Variants in TMEM25 observed in about 807,000 individuals in gnomAD.
TMEM25 encodes the protein transmembrane protein 25.
TMEM25 carries 36 observed loss-of-function variants against 37.0 expected under a neutral mutation model. The observed-to-expected ratio is 0.97, with a 90% CI of 0.75 to 1.28. TMEM25 has a LOEUF of 1.28. Among genes scored for constraint, TMEM25 ranks in the 50% most tolerant of loss-of-function variants. The probability of loss-of-function intolerance (pLI) is 0.00; values close to 1 mark genes in which losing one functional copy is unlikely to be tolerated. For synonymous variants in TMEM25, 197 were observed against 203.7 expected, an observed-to-expected ratio of 0.97 and a Z score of 0.28; for missense variants, 444 against 477.9, an observed-to-expected ratio of 0.93 and a Z score of 0.66.
chr11:118,535,891 C>T (rs1008813010), downstream of TMEM25: 15 of 1,031,852 alleles, frequency 1.5e-5, no homozygotes, highest in African/African-American at 1.7e-5. Context: ...TATTTTGTTT[C>T]GTTTGAGATG....
chr11:118,543,015 T>G (rs950164576), intron 8 of TMEM25, among the ~76,000 whole-genome samples: 8 of 151,882 alleles, frequency 5.3e-5, no homozygotes, highest in Non-Finnish European at 4.4e-5. Flanking sequence ...GCTGAGGCAG[T>G]CGGATCATGA....
downstream of TMEM25, among the ~76,000 whole-genome samples, chr11:118,536,343 A>G (rs1363802043): frequency 2.6e-5 from 4 of 150,968 alleles, no homozygotes; most frequent in African/African-American, 4.9e-5. Context: ...ACAGGCATGC[A>G]CCACCATGCC....
rs781829916 is a variant in TMEM25 at position 118,531,779 on chromosome 11, C to T, written c.-23C>T. 127 of 1,547,912 alleles carry T rather than the reference C, an allele frequency of 8.2e-5. 1 individual carries two copies. Among genetic ancestry groups the T allele is most frequent in the Middle Eastern group, 6.7e-4 (4 of 5,988 alleles). ...AGGCCCGCCCCCTTCTCTCAGCAGC[C>T]TAGGGCCTAGGCCCGGGCCACCATG... is the stretch of plus-strand genomic sequence containing the variant. On this transcript the variant is annotated 5_prime_UTR_variant, in exon 2 of 9. Coordinates refer to ENST00000313236, the MANE Select transcript of TMEM25 (RefSeq NM_032780.4).
downstream of TMEM25, among the ~76,000 whole-genome samples, chr11:118,540,496 C>A (rs957171825): frequency 2.6e-5 from 4 of 152,210 alleles, no homozygotes; most frequent in Non-Finnish European, 5.9e-5. Context: ...GGTCCTGGGG[C>A]TCTTCCTTTG....
At chr11:118,531,651 T>C (rs902028562) in intron 1 of TMEM25, 124 bp from the exon 2 acceptor site, 41 of 771,046 alleles carry the variant, frequency 5.3e-5, no homozygotes, top group Non-Finnish European at 7.5e-5. Flanking sequence ...CCTTCGCCAC[T>C]GGGGGCTGGT....
At position 118,535,403 on chromosome 11, in the gene TMEM25, G is replaced by GGTGAGTGA; in HGVS notation, c.*825_*832dup. 7.0e-7 allele frequency: 1 copy of GGTGAGTGA among 1,434,902 alleles called. No individual in the cohort carries two copies. The highest frequency in any genetic ancestry group is 9.1e-7 in the Non-Finnish European group (1 of 1,097,160). 88.9% of individuals were successfully genotyped at this position (1,434,902 alleles called of 1,614,324 possible). On this transcript the variant is annotated 3_prime_UTR_variant, in exon 9 of 9. Transcript: ENST00000313236. ...TTTAAGCACATCCCCTAGGGGAGGG[G>GGTGAGTGA]GTGAGTGAGGGGCCCAGAGCCCTCT...
chr11:118,533,116 G>A lies in TMEM25; in HGVS notation c.582G>A (p.Thr194=), dbSNP rs373582880. 14 of 1,613,164 alleles carry A rather than the reference G, an allele frequency of 8.7e-6. 1 individual carries two copies. Among genetic ancestry groups the A allele is most frequent in the South Asian group, 3.3e-5 (3 of 91,082 alleles). The change falls in exon 4 of 9, where the codon ACG becomes ACA. Residue 194 remains threonine, a synonymous_variant. Coordinates refer to ENST00000313236, the MANE Select transcript of TMEM25 (RefSeq NM_032780.4). ...AQNYPWLTNH[T]VQLQLRSLAH... ...ACTACCCCTGGCTCACCAACCACAC[G>A]GTGCAGCTGCAGCTCCGCAGCCTGG...
At chr11:118,543,932 G>A (rs1341687557) in intron 8 of TMEM25, among the ~76,000 whole-genome samples, 5 of 151,368 alleles carry the variant, frequency 3.3e-5, no homozygotes, top group African/African-American at 1.2e-4. Context: ...TCAGTCTCCT[G>A]ACTAGCTGGG....
At chr11:118,546,164 G>C in exon 9 of TMEM25, 1 of 718,426 alleles carries the variant, frequency 1.4e-6, no homozygotes, top group Non-Finnish European at 2.6e-6. Flanking sequence ...GAAGACCATG[G>C]GAAGACACAG....
In TMEM25 at chr11:118,533,209, T is replaced by G; in HGVS notation, c.673+2T>G. 6.3e-7 allele frequency: 1 copy of G among 1,587,546 alleles called. No homozygotes were observed. The highest frequency in any genetic ancestry group is 8.5e-7 in the Non-Finnish European group (1 of 1,170,752). ...CCAGTGCGTCGCTTCCAGCCCCAGG[T>G]GAGCATGGCCAGCAAGCGGCCCTGC... On this transcript the variant is annotated splice_donor_variant, in intron 4 of 8. Coordinates refer to ENST00000313236, the MANE Select transcript of TMEM25 (RefSeq NM_032780.4). LOFTEE classifies it high-confidence loss of function.
chr11:118,535,744 TGAG>T lies in TMEM25; in HGVS notation c.*1165_*1167del. 1 of 1,365,424 alleles carries T rather than the reference TGAG, an allele frequency of 7.3e-7. No homozygotes were observed. The highest frequency in any genetic ancestry group is 9.4e-7 in the Non-Finnish European group (1 of 1,061,756). 84.6% of individuals were successfully genotyped at this position (1,365,424 alleles called of 1,614,324 possible). A position where few individuals can be genotyped will look rare whatever the true frequency, so the allele number is the denominator to read the frequency against. ...AGTACAGAATATATTTTTCCCTTGT[TGAG>T]ATCTTCTTTTGTAATGTTTTTCATG... On this transcript the variant is annotated 3_prime_UTR_variant, in exon 9 of 9. Coordinates refer to ENST00000313236, the MANE Select transcript of TMEM25 (RefSeq NM_032780.4).
downstream of TMEM25, among the ~76,000 whole-genome samples, chr11:118,537,774 G>A (rs1555064121): frequency 6.6e-6 from 1 of 152,108 alleles, no homozygotes. Flanking sequence ...TTACAGGCCG[G>A]GTGTGGTGAC....
downstream of TMEM25, among the ~76,000 whole-genome samples, chr11:118,538,824 A>G (rs11216881): frequency 0.16 from 24,257 of 150,826 alleles, 2,389 homozygotes; most frequent in East Asian, 0.49. Context: ...ACCAGGAGGC[A>G]GAGGTTGCAG....
chr11:118,532,791 A>AT, intron 3 of TMEM25, 126 bp from the exon 4 acceptor site: 1 of 1,360,284 alleles, frequency 7.4e-7, no homozygotes, highest in East Asian at 2.3e-5. Context: ...AGACCCAGCC[A>AT]TCCTGTTCCT....
chr11:118,545,937 T>G (rs1951673860), intron 8 of TMEM25: 1 of 1,209,322 alleles, frequency 8.3e-7, no homozygotes, highest in African/African-American at 1.5e-5. Context: ...GCAAAAGAGC[T>G]TCTAGCATAA....
chr11:118,545,192 C>T (rs1392035847), intron 8 of TMEM25, among the ~76,000 whole-genome samples: 1 of 151,662 alleles, frequency 6.6e-6, no homozygotes, highest in Non-Finnish European at 1.5e-5. Flanking sequence ...CATCTAAGGC[C>T]CACAACTCCT....
intron 8 of TMEM25, among the ~76,000 whole-genome samples, chr11:118,542,529 G>A (rs896109222): frequency 3.3e-5 from 5 of 152,160 alleles, no homozygotes; most frequent in Non-Finnish European, 5.9e-5. Context: ...AGCACTTTGG[G>A]AGGCCAAGAC....
chr11:118,542,318 C>A (rs1555065738), intron 8 of TMEM25, among the ~76,000 whole-genome samples: 1 of 152,110 alleles, frequency 6.6e-6, no homozygotes, highest in East Asian at 1.9e-4. Flanking sequence ...CATTTAATAC[C>A]CATTAATCTA....
At position 118,534,748 on chromosome 11, in the gene TMEM25, T is replaced by A. The variant is rs782518937; in HGVS notation, c.*168T>A. 2.1e-6 allele frequency: 3 copies of A among 1,441,194 alleles called. No individual in the cohort carries two copies. Among genetic ancestry groups the A allele is most frequent in the Non-Finnish European group, 1.8e-6 (2 of 1,097,560 alleles). The allele number at this position is 1,441,194 out of a possible 1,614,324, so 89.3% of individuals were successfully genotyped here. A position where few individuals can be genotyped will look rare whatever the true frequency, so the allele number is the denominator to read the frequency against. ...ATGTCATGCACGTGATGCATTTCAC[T>A]GGGCTGTAACCCGCAGGGGCACAGG... On this transcript the variant is annotated 3_prime_UTR_variant, in exon 9 of 9. Coordinates refer to ENST00000313236, the MANE Select transcript of TMEM25 (RefSeq NM_032780.4). The surrounding 1 kb of genome is among the most constrained non-coding windows in gnomAD (Gnocchi z 4.6).
Sources: gnomAD v4.1 joint callset for allele counts (sites outside exome capture counted in the v4.1 genomes callset) on GRCh38, gnomAD v4.1.1 for gene constraint, Gnocchi (gnomAD v3.1) non-coding constraint, MANE v1.5 for transcripts, NCBI Gene and HGNC (gene_info 2026-07-23, HGNC 2026-07-21) for gene names.